Variants in PCNT observed in about 807,000 individuals in gnomAD.
PCNT encodes the protein kendrin.
A neutral mutation model predicts 380.4 loss-of-function variants in PCNT; 319 were observed. The observed-to-expected ratio is 0.84, with a 90% CI of 0.77 to 0.92. PCNT has a LOEUF of 0.92. PCNT is among the 40% of genes least tolerant of loss of function. The probability of loss-of-function intolerance (pLI) is 0.00; values close to 1 mark genes in which losing one functional copy is unlikely to be tolerated. For missense variants in PCNT, 4,400 were observed against 4,255.3 expected (o/e 1.03, Z -0.95); for synonymous variants, 1,845 against 1,735.2 (o/e 1.06, Z -1.57).
chr21:46,433,865 G>T (rs1041380731), intron 38 of PCNT, among the ~76,000 whole-genome samples: 3 of 152,088 alleles, frequency 2.0e-5, no homozygotes, highest in Non-Finnish European at 4.4e-5. Flanking sequence ...TCCACCTCCC[G>T]GGTTCAAGTG....
At position 46,425,776 on chromosome 21, in the gene PCNT, G is replaced by A; in HGVS notation, c.7180-55G>A. The A allele has an allele frequency of 6.2e-7, 1 of 1,607,636 alleles. No individual in the cohort carries two copies. The highest frequency in any genetic ancestry group is 8.5e-7 in the Non-Finnish European group (1 of 1,178,500). On this transcript the variant is annotated intron_variant, in intron 32 of 46. Coordinates refer to ENST00000359568, the MANE Select transcript of PCNT (RefSeq NM_006031.6). This position sits in a 1 kb window ranked among gnomAD's most constrained non-coding sequence, Gnocchi z 4.2. Reference sequence around the variant, plus strand: ...AGCTCGGGGCCGCAGGTGGTGTAGAGCGTGGCTGTGTGGGGTGGCAGGCAA... The same window carrying A: ...AGCTCGGGGCCGCAGGTGGTGTAGAACGTGGCTGTGTGGGGTGGCAGGCAA...
intron 15 of PCNT, among the ~76,000 whole-genome samples, chr21:46,375,692 CAT>C (rs2085312042): frequency 6.6e-6 from 1 of 152,162 alleles, no homozygotes; most frequent in African/African-American, 2.4e-5. Flanking sequence ...TGAGGGATCA[CAT>C]GTGGGGCACT....
intron 13 of PCNT, among the ~76,000 whole-genome samples, chr21:46,358,960 C>T (rs1402117561): frequency 6.6e-6 from 1 of 152,040 alleles, no homozygotes; most frequent in Non-Finnish European, 1.5e-5. Context: ...GTCACCATGC[C>T]TGGCTAATTT....
chr21:46,396,204 C>G (rs2086205180), intron 21 of PCNT, among the ~76,000 whole-genome samples: 1 of 152,246 alleles, frequency 6.6e-6, no homozygotes. Flanking sequence ...CACCCCAGGT[C>G]TCAGGCTGGT....
At chr21:46,402,556 C>T in intron 27 of PCNT, 73 bp downstream of exon 27, 1 of 1,524,734 alleles carries the variant, frequency 6.6e-7, no homozygotes, top group Non-Finnish European at 9.1e-7. Context: ...CACCAAGACC[C>T]TCATCGGGGA....
intron 35 of PCNT, among the ~76,000 whole-genome samples, chr21:46,429,476 G>A (rs1445562798): frequency 2.0e-5 from 3 of 150,678 alleles, no homozygotes; most frequent in Non-Finnish European, 4.4e-5. Flanking sequence ...GCGATCGCTC[G>A]TGAGGGGCAT....
At position 46,443,953 on chromosome 21, in the gene PCNT, G is replaced by GT. The variant is rs755875157; in HGVS notation, c.9839+6dup. On this transcript the variant is annotated splice_donor_region_variant and intron_variant, in intron 45 of 46. Coordinates refer to ENST00000359568, the MANE Select transcript of PCNT (RefSeq NM_006031.6). ...CTCCCCACACAGTGGGGGAAGGTCA[G>GT]TGTGATGCCTTCAGGCCCCGTCTCC... 3 of 1,611,520 alleles carry GT rather than the reference G, an allele frequency of 1.9e-6. No individual in the cohort carries two copies. The East Asian group carries it at 6.7e-5, about 36-fold the overall frequency.
At chr21:46,358,112 A>C (rs897067263) in intron 13 of PCNT, among the ~76,000 whole-genome samples, 2 of 151,984 alleles carry the variant, frequency 1.3e-5, no homozygotes, top group Non-Finnish European at 2.9e-5. Flanking sequence ...AGTGGAGTTA[A>C]AGTGAACCAA....
intron 30 of PCNT, among the ~76,000 whole-genome samples, chr21:46,417,954 C>G (rs1387363768): frequency 1.3e-5 from 2 of 152,206 alleles, no homozygotes; most frequent in Non-Finnish European, 2.9e-5. Flanking sequence ...CATATACTAT[C>G]ATTTCATGCA....
At chr21:46,335,898 C>G (rs978150154) in intron 3 of PCNT, among the ~76,000 whole-genome samples, 8 of 151,944 alleles carry the variant, frequency 5.3e-5, no homozygotes, top group South Asian at 2.1e-4. Flanking sequence ...GTTGGTCAGG[C>G]TGGTGCTGAC....
At chr21:46,325,108 G>T in intron 1 of PCNT, 1 of 985,544 alleles carries the variant, frequency 1.0e-6, no homozygotes, top group South Asian at 4.7e-5. Flanking sequence ...ACTGTCCTAG[G>T]TTTCGTGGGA....
chr21:46,380,556 G>T (rs1256233896), intron 15 of PCNT, among the ~76,000 whole-genome samples: 1 of 151,696 alleles, frequency 6.6e-6, no homozygotes, highest in Non-Finnish European at 1.5e-5. Context: ...TGGAAATTTT[G>T]GGGTGCTCCA....
chr21:46,362,973 A>G (rs1262637347), intron 13 of PCNT, among the ~76,000 whole-genome samples: 2 of 152,130 alleles, frequency 1.3e-5, no homozygotes, highest in Non-Finnish European at 2.9e-5. Flanking sequence ...CCCTTGCTCA[A>G]GGTCTTTCAT....
chr21:46,445,632 C>T lies in PCNT; in HGVS notation c.*305C>T, dbSNP rs1043376203. 4 of 417,842 alleles carry T rather than the reference C, an allele frequency of 9.6e-6. No homozygotes were observed. Among genetic ancestry groups the T allele is most frequent in the Non-Finnish European group, 1.7e-5 (4 of 233,638 alleles). The allele number at this position is 417,842 out of a possible 1,614,324, so 25.9% of individuals were successfully genotyped here. Reference sequence around the variant, plus strand: ...ATCGGCAGATCCATCCTTCCTGCCTCCAAGGAGGATACACAGAGAATGGCT... The same window carrying T: ...ATCGGCAGATCCATCCTTCCTGCCTTCAAGGAGGATACACAGAGAATGGCT... On this transcript the variant is annotated 3_prime_UTR_variant, in exon 47 of 47. Coordinates refer to ENST00000359568, the MANE Select transcript of PCNT (RefSeq NM_006031.6).
chr21:46,367,104 G>A lies in PCNT; in HGVS notation c.3130G>A (p.Gly1044Arg), dbSNP rs771804321. Residue 1044 changes from glycine (G) to arginine (R), a missense_variant, in exon 15 of 47, where the codon GGA becomes AGA. Coordinates refer to ENST00000359568, the MANE Select transcript of PCNT (RefSeq NM_006031.6). ...AACCGAAGTGAGCACAGAGCTCGCC[G>A]GAACCGTGGCTCACGAGCTGCAGGG... ...LRTEVSTELA[G>R]TVAHELQGVH... 14 of 1,613,356 alleles carry A rather than the reference G, an allele frequency of 8.7e-6. No individual in the cohort carries two copies. Among genetic ancestry groups the A allele is most frequent in the Middle Eastern group, 1.6e-4 (1 of 6,084 alleles).
In PCNT at chr21:46,440,309, G is replaced by A; in HGVS notation, c.9393+107G>A. ...ACCACAAGGTTCTCGTCTGCCGGGT[G>A]TAGCAGTCACATCACTAAAGGAAAG... On this transcript the variant is annotated intron_variant, in intron 42 of 46. Coordinates refer to ENST00000359568, the MANE Select transcript of PCNT (RefSeq NM_006031.6). 5 of 1,186,224 alleles carry A rather than the reference G, an allele frequency of 4.2e-6. No homozygotes were observed. In the Admixed American group the frequency reaches 5.1e-5, roughly 12 times the overall value. 73.5% of individuals were successfully genotyped at this position (1,186,224 alleles called of 1,614,324 possible). A position where few individuals can be genotyped will look rare whatever the true frequency, so the allele number is the denominator to read the frequency against.
intron 4 of PCNT, 23 bp from the exon 5 acceptor site, chr21:46,346,720 C>T: frequency 1.3e-6 from 2 of 1,586,986 alleles, no homozygotes; most frequent in Non-Finnish European, 1.7e-6. Context: ...GGGCCCTTAT[C>T]AGAGGCCTTT....
chr21:46,417,263 G>A (rs1025064039), intron 30 of PCNT, among the ~76,000 whole-genome samples: 8 of 131,218 alleles, frequency 6.1e-5, no homozygotes, highest in Non-Finnish European at 1.1e-4. Context: ...ACGCAATCTC[G>A]GCTCACTGCA....
At position 46,412,083 on chromosome 21, in the gene PCNT, G is replaced by A. The variant is rs368191469; in HGVS notation, c.5994+16G>A. 3.7e-5 allele frequency: 59 copies of A among 1,602,888 alleles called. No homozygotes were observed. The highest frequency in any genetic ancestry group is 9.4e-5 in the African/African-American group (7 of 74,776). ...TGACCCACAGGTGGGCTCCCCCCGC[G>A]GGCCATGGCAGGGTATTTTTTTTTA... On this transcript the variant is annotated intron_variant, in intron 28 of 46. Coordinates refer to ENST00000359568, the MANE Select transcript of PCNT (RefSeq NM_006031.6).
Sources: allele counts gnomAD v4.1 joint callset (sites outside exome capture counted in the v4.1 genomes callset), GRCh38; gene constraint gnomAD v4.1.1; non-coding constraint Gnocchi (gnomAD v3.1); transcripts MANE v1.5; gene names NCBI Gene and HGNC (gene_info 2026-07-23, HGNC 2026-07-21).